FGF10: variants seen among roughly 807,000 people sequenced by gnomAD.
The protein encoded by FGF10 is fibroblast growth factor 10.
Under a neutral mutation model 19.8 loss-of-function variants are expected in FGF10, and 2 were observed. The ratio of observed to expected loss-of-function variants is 0.10; its 90% CI spans 0.04 to 0.32. The LOEUF (loss-of-function observed/expected upper bound fraction) is 0.32. Ranked by LOEUF, FGF10 falls within the 10% of genes least tolerant of loss-of-function variation. The pLI is 1.00. For missense variants in FGF10, 191 were observed against 246.3 expected (o/e 0.78, Z 1.50); for synonymous variants, 112 against 94.0 (o/e 1.19, Z -1.10).
At chr5:44,353,096 G>A (rs192883956) in intron 1 of FGF10, among the ~76,000 whole-genome samples, 5 of 151,618 alleles carry the variant, frequency 3.3e-5, no homozygotes, top group Admixed American at 3.3e-4. Flanking sequence ...ATTTCATAGC[G>A]ATCTTATGAT....
intron 1 of FGF10, among the ~76,000 whole-genome samples, chr5:44,338,938 T>C (rs1740909410): frequency 6.6e-6 from 1 of 152,210 alleles, no homozygotes; most frequent in African/African-American, 2.4e-5. Context: ...ATTTAAGGCA[T>C]GTTAGGAACA....
At chr5:44,362,129 A>G (rs890251408) in intron 1 of FGF10, among the ~76,000 whole-genome samples, 4 of 151,698 alleles carry the variant, frequency 2.6e-5, no homozygotes, top group African/African-American at 9.7e-5. Context: ...GCTTGGCATC[A>G]TGGCTCTGCT....
intron 1 of FGF10, 100 bp downstream of exon 1, chr5:44,388,258 A>T: frequency 9.4e-7 from 1 of 1,066,134 alleles, no homozygotes; most frequent in Non-Finnish European, 1.5e-6. Flanking sequence ...GGGGTTGGGG[A>T]CGTAAATATT....
intron 1 of FGF10, among the ~76,000 whole-genome samples, chr5:44,346,840 G>T (rs903066923): frequency 2.6e-5 from 4 of 151,692 alleles, no homozygotes; most frequent in African/African-American, 9.7e-5. Context: ...ATTTTATTTA[G>T]TTTTCTTTTA....
chr5:44,378,507 G>C (rs1741915313), intron 1 of FGF10, among the ~76,000 whole-genome samples: 1 of 152,090 alleles, frequency 6.6e-6, no homozygotes, highest in Admixed American at 6.5e-5. Flanking sequence ...TCTCGGCTCA[G>C]TGCAAGCTCT....
At chr5:44,333,110 C>CA (rs917512321) in intron 1 of FGF10, among the ~76,000 whole-genome samples, 5 of 151,682 alleles carry the variant, frequency 3.3e-5, no homozygotes, top group African/African-American at 9.7e-5. Flanking sequence ...TGACCCCCCC[C>CA]AAAAAAATTA....
At chr5:44,333,258 GTA>G (rs992535473) in intron 1 of FGF10, among the ~76,000 whole-genome samples, 35 of 152,240 alleles carry the variant, frequency 2.3e-4, no homozygotes, top group African/African-American at 8.2e-4. Flanking sequence ...GGAACACTGA[GTA>G]TATATAGCTA....
At chr5:44,340,927 C>A (rs1317169745) in intron 1 of FGF10, among the ~76,000 whole-genome samples, 14 of 151,442 alleles carry the variant, frequency 9.2e-5, no homozygotes, top group African/African-American at 3.4e-4. Flanking sequence ...AAAGAAAAAC[C>A]ATGTCCATGT....
At position 44,376,516 on chromosome 5, in the gene FGF10, A is replaced by AC. The variant is rs1561219536; in HGVS notation, c.325+11841_325+11842insG. On this transcript the variant is annotated intron_variant, in intron 1 of 2. Transcript: ENST00000264664. Reference sequence around the variant, plus strand: ...AAAAAAAAAAAAAAAAAAAAAAAAAAACAAAAAACCCACAACTAGAGCAAG... The same window carrying AC: ...AAAAAAAAAAAAAAAAAAAAAAAAAACACAAAAAACCCACAACTAGAGCAAG... 6.7e-5 allele frequency among the ~76,000 whole-genome samples: 9 copies of AC among 134,312 alleles called. No homozygotes were observed. In the East Asian group the frequency reaches 1.8e-3, roughly 28 times the overall value. 88.1% of individuals were successfully genotyped at this position (134,312 alleles called of 152,430 possible).
chr5:44,315,633 T>C (rs1740327179), intron 1 of FGF10, among the ~76,000 whole-genome samples: 2 of 152,180 alleles, frequency 1.3e-5, no homozygotes, highest in Admixed American at 6.5e-5. Flanking sequence ...TATAATGCTA[T>C]ATAGTTTTAT....
chr5:44,354,805 T>C (rs1741309691), intron 1 of FGF10, among the ~76,000 whole-genome samples: 1 of 151,512 alleles, frequency 6.6e-6, no homozygotes, highest in Non-Finnish European at 1.5e-5. Context: ...TGAGTCACAC[T>C]ATCTCCTCTC....
intron 1 of FGF10, among the ~76,000 whole-genome samples, chr5:44,357,379 T>G (rs1741374044): frequency 6.6e-6 from 1 of 151,434 alleles, no homozygotes; most frequent in Non-Finnish European, 1.5e-5. Context: ...CTTATTAGTT[T>G]ATAGATATAA....
At chr5:44,388,172 G>C (rs1180266268) in intron 1 of FGF10, among the ~76,000 whole-genome samples, 186 bp downstream of exon 1, 1 of 151,490 alleles carries the variant, frequency 6.6e-6, no homozygotes, top group African/African-American at 2.4e-5. Context: ...TTAGGGGAGG[G>C]GATGCGGCAG....
chr5:44,328,219 G>A (rs1328981617), intron 1 of FGF10, among the ~76,000 whole-genome samples: 2 of 152,172 alleles, frequency 1.3e-5, no homozygotes, highest in East Asian at 1.9e-4. Context: ...ACTAAACAAC[G>A]TAATCGCATT....
At chr5:44,369,732 G>C (rs1367005826) in intron 1 of FGF10, among the ~76,000 whole-genome samples, 1 of 152,054 alleles carries the variant, frequency 6.6e-6, no homozygotes, top group African/African-American at 2.4e-5. Context: ...ACCAAACAGG[G>C]AGCATTTAAA....
At chr5:44,371,991 C>T (rs1399269832) in intron 1 of FGF10, among the ~76,000 whole-genome samples, 2 of 152,110 alleles carry the variant, frequency 1.3e-5, no homozygotes, top group African/African-American at 4.8e-5. Context: ...TTAATTTGGG[C>T]TGCACAAAGT....
chr5:44,355,335 T>C (rs1741322172), intron 1 of FGF10, among the ~76,000 whole-genome samples: 2 of 151,334 alleles, frequency 1.3e-5, no homozygotes, highest in Non-Finnish European at 3.0e-5. Flanking sequence ...CCTTTGTACA[T>C]AGGTTAAACA....
chr5:44,307,118 A>G (rs541441342), intron 2 of FGF10, among the ~76,000 whole-genome samples: 6 of 152,294 alleles, frequency 3.9e-5, no homozygotes, highest in African/African-American at 1.4e-4. Flanking sequence ...GCTTAATGTT[A>G]ATTTTCCTCC....
chr5:44,373,430 A>G (rs1741786956), intron 1 of FGF10, among the ~76,000 whole-genome samples: 1 of 151,972 alleles, frequency 6.6e-6, no homozygotes, highest in Non-Finnish European at 1.5e-5. Flanking sequence ...TTCTTTTTTC[A>G]CTTTATCTCC....
Sources: gnomAD v4.1 joint callset for allele counts (sites outside exome capture counted in the v4.1 genomes callset) on GRCh38, gnomAD v4.1.1 for gene constraint, MANE v1.5 for transcripts, NCBI Gene and HGNC (gene_info 2026-07-23, HGNC 2026-07-21) for gene names.